DLG2: variants seen among roughly 807,000 people sequenced by gnomAD.
DLG2 encodes the protein disks large homolog 2.
A neutral mutation model predicts 132.5 loss-of-function variants in DLG2; 45 were observed. The observed-to-expected ratio is 0.34, with a 90% CI of 0.27 to 0.44. The LOEUF (loss-of-function observed/expected upper bound fraction) is 0.44, where lower values mean the gene tolerates loss of function less well. DLG2 is among the 20% of genes least tolerant of loss of function. DLG2 has a pLI of 1.00. For missense variants in DLG2, 1,045 were observed against 1,196.9 expected (o/e 0.87, Z 1.87); for synonymous variants, 424 against 419.6 (o/e 1.01, Z -0.13).
chr11:84,306,951 A>G (rs1425039216), intron 7 of DLG2, among the ~76,000 whole-genome samples: 1 of 152,220 alleles, frequency 6.6e-6, no homozygotes, highest in Non-Finnish European at 1.5e-5. Flanking sequence ...CAAAGAACTT[A>G]AAAAAGAACT....
intron 6 of DLG2, among the ~76,000 whole-genome samples, chr11:84,745,338 T>C (rs1398263260): frequency 6.6e-6 from 1 of 152,174 alleles, no homozygotes; most frequent in East Asian, 1.9e-4. Flanking sequence ...AATGAATCAG[T>C]TCTCAGGAAA....
At chr11:83,730,092 C>T (rs1343034061) in intron 18 of DLG2, among the ~76,000 whole-genome samples, 1 of 148,988 alleles carries the variant, frequency 6.7e-6, no homozygotes, top group East Asian at 2.0e-4. Flanking sequence ...TATTGCTACT[C>T]AGGGTCAATC....
chr11:85,475,089 C>T (rs979636874), intron 3 of DLG2, among the ~76,000 whole-genome samples: 3 of 151,482 alleles, frequency 2.0e-5, no homozygotes, highest in Non-Finnish European at 4.4e-5. Context: ...AAATGAAATA[C>T]ATAAATGTAA....
At chr11:84,912,231 C>A (rs1002096290) in intron 6 of DLG2, among the ~76,000 whole-genome samples, 3 of 152,238 alleles carry the variant, frequency 2.0e-5, no homozygotes, top group Non-Finnish European at 4.4e-5. Context: ...TCTCGGCTCA[C>A]TGCAAGCGCC....
At chr11:85,020,709 T>C in intron 6 of DLG2, 2 of 554,020 alleles carry the variant, frequency 3.6e-6, no homozygotes, top group Middle Eastern at 5.7e-4. Flanking sequence ...CTGGGAAAAC[T>C]GGCTAGCCAT....
chr11:83,905,274 G>T (rs761390156), intron 15 of DLG2, among the ~76,000 whole-genome samples: 79 of 152,092 alleles, frequency 5.2e-4, no homozygotes, highest in Non-Finnish European at 8.8e-4. Context: ...AGAAATAAGG[G>T]TCATGATACA....
At chr11:85,425,050 C>T (rs2090607790) in intron 3 of DLG2, among the ~76,000 whole-genome samples, 1 of 76,040 alleles carries the variant, frequency 1.3e-5, no homozygotes, top group Admixed American at 1.2e-4. Flanking sequence ...AAAAACAAAC[C>T]CACCACATAA....
At chr11:84,973,471 A>G (rs75914459) in intron 6 of DLG2, among the ~76,000 whole-genome samples, 3,152 of 152,204 alleles carry the variant, frequency 0.021, 55 homozygotes, top group Admixed American at 0.042. Context: ...ATGTCTGTCA[A>G]TCTCTCTCTC....
intron 6 of DLG2, among the ~76,000 whole-genome samples, chr11:84,827,165 T>C (rs953978112): frequency 1.3e-5 from 2 of 151,716 alleles, no homozygotes; most frequent in Non-Finnish European, 2.9e-5. Flanking sequence ...AGTGACCATA[T>C]AAATTGACCA....
chr11:83,723,202 G>T, intron 18 of DLG2, among the ~76,000 whole-genome samples: 1 of 151,978 alleles, frequency 6.6e-6, no homozygotes, highest in East Asian at 1.9e-4. Flanking sequence ...CCAACATGAT[G>T]AAACCCCATC....
chr11:85,007,614 C>T lies in DLG2; in HGVS notation c.357+104047G>A, dbSNP rs573400250. Among the ~76,000 whole-genome samples the T allele has an allele frequency of 3.7e-5, 5 of 135,828 alleles. No homozygotes were observed. The South Asian group carries it at 9.5e-4, about 26-fold the overall frequency. The allele number at this position is 135,828 out of a possible 152,430, so 89.1% of individuals were successfully genotyped here. ...CTGGGAGGCAGAGATTGCAGTGAGCCGTGATTGGCCACTGCACTCCAGCCT... is the reference window on the plus strand; with the variant it reads ...CTGGGAGGCAGAGATTGCAGTGAGCTGTGATTGGCCACTGCACTCCAGCCT... On this transcript the variant is annotated intron_variant, in intron 6 of 27. Transcript: ENST00000376104.
chr11:83,942,182 G>GATGACAT (rs1476921446), intron 14 of DLG2, among the ~76,000 whole-genome samples: 1 of 152,018 alleles, frequency 6.6e-6, no homozygotes, highest in East Asian at 1.9e-4. Context: ...AAGTAAATTT[G>GATGACAT]ATGACATAAA....
chr11:84,544,435 G>C (rs752321734), intron 6 of DLG2, among the ~76,000 whole-genome samples: 1 of 152,134 alleles, frequency 6.6e-6, no homozygotes, highest in South Asian at 2.1e-4. Context: ...AGATTAAACA[G>C]GTATCATCAT....
At chr11:83,539,669 T>G (rs190371603) in intron 20 of DLG2, among the ~76,000 whole-genome samples, 7 of 151,490 alleles carry the variant, frequency 4.6e-5, no homozygotes, top group African/African-American at 1.5e-4. Context: ...ATATTATATA[T>G]ATGAGGTGGA....
In DLG2 at chr11:84,276,954, G is replaced by A. The variant is rs535833526; in HGVS notation, c.520-25663C>T. On this transcript the variant is annotated intron_variant, in intron 7 of 27. Transcript: ENST00000376104. ...AGACAAAAAACAATGAACACAGAGA[G>A]AAAAGAAACAAACAAGGTGGGCCCT... Among the ~76,000 whole-genome samples, 19 of 152,264 alleles carry A rather than the reference G, an allele frequency of 1.2e-4. 1 individual carries two copies. The East Asian group carries it at 3.7e-3, about 29-fold the overall frequency.
chr11:83,776,483 C>G (rs1256524753), intron 18 of DLG2, among the ~76,000 whole-genome samples: 2 of 152,184 alleles, frequency 1.3e-5, no homozygotes, highest in African/African-American at 2.4e-5. Context: ...CTGGTCCTAC[C>G]CCAGCCTCTT....
chr11:84,310,301 G>T (rs1302611215), intron 7 of DLG2, among the ~76,000 whole-genome samples: 1 of 152,076 alleles, frequency 6.6e-6, no homozygotes, highest in Admixed American at 6.5e-5. Flanking sequence ...CCTTATCAGT[G>T]GTGTGATCAT....
intron 6 of DLG2, among the ~76,000 whole-genome samples, chr11:84,602,350 C>T (rs573387435): frequency 6.6e-6 from 1 of 151,648 alleles, no homozygotes; most frequent in East Asian, 1.9e-4. Context: ...GGGAATTTAA[C>T]TGACTTGCCC....
chr11:84,218,499 A>G (rs2096870301), intron 8 of DLG2, among the ~76,000 whole-genome samples: 1 of 152,114 alleles, frequency 6.6e-6, no homozygotes, highest in Non-Finnish European at 1.5e-5. Context: ...TTACTGGGTG[A>G]TAGGTTCATG....
Sources: gnomAD v4.1 joint callset for allele counts (sites outside exome capture counted in the v4.1 genomes callset) on GRCh38, gnomAD v4.1.1 for gene constraint, MANE v1.5 for transcripts, NCBI Gene and HGNC (gene_info 2026-07-23, HGNC 2026-07-21) for gene names.